Variants in SCAP observed in about 807,000 individuals in gnomAD.
SCAP encodes the protein sterol regulatory element-binding protein cleavage-activating protein.
SCAP carries 65 observed loss-of-function variants against 123.6 expected under a neutral mutation model. That is an observed-to-expected ratio of 0.53 (90% confidence interval 0.43 to 0.65). SCAP has a LOEUF of 0.65. Ranked by LOEUF, SCAP falls within the 30% of genes least tolerant of loss-of-function variation. The probability of loss-of-function intolerance (pLI) is 0.00; values close to 1 mark genes in which losing one functional copy is unlikely to be tolerated. For missense variants in SCAP, 1,398 were observed against 1,712.5 expected (o/e 0.82, Z 3.24); for synonymous variants, 740 against 726.3 (o/e 1.02, Z -0.30).
rs1463221720 is a variant in SCAP, at chr3:47,449,791, GT to G, written c.-98-6701del. Among the ~76,000 whole-genome samples, 12 of 124,052 alleles carry G rather than the reference GT, an allele frequency of 9.7e-5. 4 individuals carry two copies. The highest frequency in any genetic ancestry group is 7.1e-5 in the Non-Finnish European group (4 of 56,170). 81.4% of individuals were successfully genotyped at this position (124,052 alleles called of 152,430 possible). ...CACTACCAGTTCACTGGTATTTGGA[GT>G]TCTGGTTTCCTTCTCCAATTCGCAT... On this transcript the variant is annotated intron_variant, in intron 1 of 22. Transcript: ENST00000265565.
At chr3:47,444,730 C>T (rs923296662) in intron 1 of SCAP, among the ~76,000 whole-genome samples, 1 of 151,176 alleles carries the variant, frequency 6.6e-6, no homozygotes, top group African/African-American at 2.4e-5. Flanking sequence ...CTGCCTCAGC[C>T]TCTCAAAGTG....
chr3:47,445,575 C>G (rs529317195), intron 1 of SCAP, among the ~76,000 whole-genome samples: 1 of 149,846 alleles, frequency 6.7e-6, no homozygotes, highest in African/African-American at 2.5e-5. Flanking sequence ...GTCTCGAACT[C>G]CAACTTTTTT....
chr3:47,464,235 T>C (rs13100413), intron 1 of SCAP, among the ~76,000 whole-genome samples: 145,867 of 152,082 alleles, frequency 0.96, 70,274 homozygotes, highest in East Asian at 1. Context: ...AGGCTGGTCT[T>C]GAACTCCTGA....
intron 2 of SCAP, 26 bp downstream of exon 2, chr3:47,442,846 A>G (rs1179313793): frequency 6.2e-7 from 1 of 1,608,194 alleles, no homozygotes; most frequent in African/African-American, 1.3e-5. Flanking sequence ...CTGGCCCACC[A>G]TATCCAAGGC....
Position 47,418,703 on chromosome 3 carries a change from G to A in SCAP, c.2081C>T (p.Pro694Leu). The A allele has an allele frequency of 6.2e-7, 1 of 1,610,410 alleles. No individual in the cohort carries two copies. Among genetic ancestry groups the A allele is most frequent in the Non-Finnish European group, 8.5e-7 (1 of 1,179,102 alleles). The change falls in exon 14 of 23, where the codon CCC (proline) becomes CTC (leucine). Residue 694 changes from proline (P) to leucine (L), a missense_variant. Physicochemically the swap from Pro to Leu is moderately conservative, Grantham distance 98. Coordinates refer to ENST00000265565, the MANE Select transcript of SCAP (RefSeq NM_012235.4). ...GGCCTGCACCCCACCTGGGCCCTTG[G>A]GTCCTGCTTCCCAGTGCCCAGCAGG... ...PIPAGHWEAG[P>L]KGPGGVQAHG...
chr3:47,458,926 C>T (rs1263710654), intron 1 of SCAP, among the ~76,000 whole-genome samples: 2 of 152,230 alleles, frequency 1.3e-5, no homozygotes, highest in African/African-American at 4.8e-5. Context: ...TTGCCTCAGC[C>T]TCGCAAGTAG....
chr3:47,440,237 G>A (rs569479317), intron 2 of SCAP, among the ~76,000 whole-genome samples: 2 of 152,196 alleles, frequency 1.3e-5, no homozygotes, highest in Non-Finnish European at 2.9e-5. Flanking sequence ...ACTAGAAGCA[G>A]TCTATATCCA....
chr3:47,426,198 G>T (rs1307781443), intron 6 of SCAP, 29 bp from the exon 7 acceptor site: 2 of 1,602,834 alleles, frequency 1.2e-6, no homozygotes, highest in Non-Finnish European at 1.7e-6. Flanking sequence ...GGGGGTAAAT[G>T]GAAGTGTTGC....
chr3:47,455,082 T>C (rs1337626772), intron 1 of SCAP, among the ~76,000 whole-genome samples: 1 of 146,294 alleles, frequency 6.8e-6, no homozygotes, highest in Non-Finnish European at 1.5e-5. Context: ...TATATATATA[T>C]ATATATATAT....
At chr3:47,454,096 G>A (rs1707319653) in intron 1 of SCAP, among the ~76,000 whole-genome samples, 1 of 152,134 alleles carries the variant, frequency 6.6e-6, no homozygotes, top group South Asian at 2.1e-4. Context: ...GGCCGGGTGC[G>A]GTGGCTCATG....
intron 2 of SCAP, among the ~76,000 whole-genome samples, chr3:47,435,639 G>A (rs1196544262): frequency 6.6e-6 from 1 of 151,960 alleles, no homozygotes; most frequent in Non-Finnish European, 1.5e-5. Flanking sequence ...ACCCACCTCA[G>A]CCTCCCAAAG....
At chr3:47,456,859 G>A (rs953016434) in intron 1 of SCAP, among the ~76,000 whole-genome samples, 4 of 151,922 alleles carry the variant, frequency 2.6e-5, no homozygotes, top group Admixed American at 6.6e-5. Context: ...AAATTCCCGC[G>A]TATATAAGCA....
At position 47,435,003 on chromosome 3, in the gene SCAP, C is replaced by T. The variant is rs1382613152; in HGVS notation, c.252+5G>A. 6.2e-7 allele frequency: 1 copy of T among 1,614,070 alleles called. No individual in the cohort carries two copies. The highest frequency in any genetic ancestry group is 2.2e-5 in the East Asian group (1 of 44,886). On this transcript the variant is annotated splice_donor_5th_base_variant and intron_variant, in intron 3 of 22. Coordinates refer to ENST00000265565, the MANE Select transcript of SCAP (RefSeq NM_012235.4). ...GCTGGCCTCAGGAACATGACGAGTA[C>T]CCACCCACTCAGGCTGCTCAGTAGG...
At chr3:47,429,735 T>G (rs1412351806) in intron 3 of SCAP, among the ~76,000 whole-genome samples, 2 of 152,200 alleles carry the variant, frequency 1.3e-5, no homozygotes, top group Admixed American at 1.3e-4. Context: ...CCCCTACCAT[T>G]ACTATTGTCT....
intron 1 of SCAP, among the ~76,000 whole-genome samples, chr3:47,459,442 T>G (rs567080380): frequency 6.6e-6 from 1 of 152,294 alleles, no homozygotes; most frequent in East Asian, 1.9e-4. Flanking sequence ...CCCCAATATT[T>G]CAACATAGGT....
intron 1 of SCAP, among the ~76,000 whole-genome samples, chr3:47,460,786 G>C (rs554581393): frequency 4.6e-5 from 7 of 152,092 alleles, no homozygotes; most frequent in African/African-American, 1.7e-4. Flanking sequence ...TTGAACTCCT[G>C]ACCTCGTGAT....
intron 1 of SCAP, among the ~76,000 whole-genome samples, chr3:47,463,442 C>T (rs574763827): frequency 1.4e-4 from 21 of 152,338 alleles, no homozygotes; most frequent in African/African-American, 4.6e-4. Flanking sequence ...TGGCTCGTGC[C>T]TGTAATCCCA....
Position 47,425,510 on chromosome 3 carries a change from C to G in SCAP, c.1012G>C (p.Gly338Arg). 1.2e-6 allele frequency: 2 copies of G among 1,613,836 alleles called. No individual in the cohort carries two copies. The highest frequency in any genetic ancestry group is 1.7e-6 in the Non-Finnish European group (2 of 1,180,038). ...CCGCCATTGAGGGTGGGCGTCAGGC[C>G]GAAGAGTGTGCAGAGTCCCACAGAC... ...LMSVGLCTLF[G>R]LTPTLNGGEI... is the part of the protein sequence containing the mutation. The change falls in exon 8 of 23, where the codon GGC (glycine) becomes CGC (arginine). Residue 338 changes from glycine to arginine, a missense_variant. Physicochemically the swap from Gly to Arg is moderately radical, Grantham distance 125. Coordinates refer to ENST00000265565, the MANE Select transcript of SCAP (RefSeq NM_012235.4).
chr3:47,428,736 T>C lies in SCAP; in HGVS notation c.253-66A>G, dbSNP rs896731470. 35 of 1,562,430 alleles carry C rather than the reference T, an allele frequency of 2.2e-5. No homozygotes were observed. The South Asian group carries it at 3.7e-4, about 17-fold the overall frequency. On this transcript the variant is annotated intron_variant, in intron 3 of 22. Transcript: ENST00000265565. The stretch of plus-strand genomic sequence containing the variant: ...ACAGGAAGAAGAAAGACGGTCCAAT[T>C]CAAGGGATTTAATGGGCATTGGAAA...
Sources: allele counts gnomAD v4.1 joint callset (sites outside exome capture counted in the v4.1 genomes callset), GRCh38; gene constraint gnomAD v4.1.1; transcripts MANE v1.5; gene names NCBI Gene and HGNC (gene_info 2026-07-23, HGNC 2026-07-21).